The following CFAP44 variants were observed in gnomAD, a reference collection of about 807,000 sequenced individuals.
The protein encoded by CFAP44 is cilia and flagella associated protein 44, also known as cilia- and flagella-associated protein 44.
In CFAP44, 134 loss-of-function variants were observed where a neutral mutation model predicts 216.2. The observed-to-expected ratio is 0.62, with a 90% CI of 0.54 to 0.72. CFAP44 has a LOEUF of 0.72. CFAP44 is among the 30% of genes least tolerant of loss of function. The pLI is 0.00. For synonymous variants in CFAP44, 700 were observed against 727.6 expected (o/e 0.96, Z 0.61); for missense variants, 2,035 against 2,182.1 (o/e 0.93, Z 1.34).
At chr3:113,404,665 G>A (rs945903557) in intron 8 of CFAP44, among the ~76,000 whole-genome samples, 1 of 152,096 alleles carries the variant, frequency 6.6e-6, no homozygotes, top group Non-Finnish European at 1.5e-5. Context: ...CATTTATCAG[G>A]GATACCATGT....
intron 22 of CFAP44, among the ~76,000 whole-genome samples, chr3:113,349,167 C>G (rs563411461): frequency 2.0e-5 from 3 of 152,286 alleles, no homozygotes; most frequent in Admixed American, 2.0e-4. Flanking sequence ...TCCACCATAA[C>G]TCAGGGAAAG....
intron 4 of CFAP44, among the ~76,000 whole-genome samples, chr3:113,423,229 C>T (rs1050250292): frequency 6.6e-6 from 1 of 151,236 alleles, no homozygotes; most frequent in African/African-American, 2.4e-5. Flanking sequence ...ATTCTCCCAC[C>T]TCAGCCCCCC....
At chr3:113,375,056 A>G (rs924500872) in intron 17 of CFAP44, among the ~76,000 whole-genome samples, 2 of 152,228 alleles carry the variant, frequency 1.3e-5, no homozygotes, top group East Asian at 1.9e-4. Context: ...ACTTGGGGAA[A>G]TTATCCCAAG....
intron 17 of CFAP44, 88 bp from the exon 18 acceptor site, chr3:113,373,644 A>G (rs1933244716): frequency 9.3e-6 from 11 of 1,183,860 alleles, no homozygotes; most frequent in Non-Finnish European, 1.1e-5. Flanking sequence ...TCAAATTTGA[A>G]AACATAAAAT....
intron 6 of CFAP44, among the ~76,000 whole-genome samples, chr3:113,413,709 A>C (rs1213049712): frequency 2.6e-5 from 4 of 151,936 alleles, no homozygotes; most frequent in Admixed American, 2.6e-4. Flanking sequence ...GTTCTGCTCC[A>C]TTGGTCTATA....
rs955652800 is a variant in CFAP44 at position 113,366,342 on chromosome 3, A to G, written c.2445-33T>C. 3 of 1,576,230 alleles carry G rather than the reference A, an allele frequency of 1.9e-6. No homozygotes were observed. The African/African-American group carries it at 4.1e-5, about 21-fold the overall frequency. On this transcript the variant is annotated intron_variant, in intron 18 of 34. Coordinates refer to ENST00000393845, the MANE Select transcript of CFAP44 (RefSeq NM_001164496.2). ...ACAAAAAATGTAAATTGTTCTTCCC[A>G]TTAATCTGAAAATAATGCTTAATTT... is the stretch of plus-strand genomic sequence containing the variant.
At chr3:113,388,554 T>C (rs774221236) in intron 15 of CFAP44, among the ~76,000 whole-genome samples, 1 of 152,122 alleles carries the variant, frequency 6.6e-6, no homozygotes, top group Admixed American at 6.5e-5. Context: ...AACAATAGCA[T>C]TGAAAGTAAA....
rs1181339461 is a variant in CFAP44 at position 113,343,002 on chromosome 3, A to AAAT, written c.3263-1085_3263-1084insATT. On this transcript the variant is annotated intron_variant, in intron 23 of 34. Coordinates refer to ENST00000393845, the MANE Select transcript of CFAP44 (RefSeq NM_001164496.2). ...CTGTATCAAAAATAAATAAATAAAT[A>AAAT]AAAAATTAAAAAAAAATGGCTGTAT... Among the ~76,000 whole-genome samples, 1,260 of 148,468 alleles carry AAAT rather than the reference A, an allele frequency of 8.5e-3. 18 individuals carry two copies. The highest frequency in any genetic ancestry group is 0.021 in the African/African-American group (850 of 39,654).
At chr3:113,428,386 G>A (rs1365652761) in intron 2 of CFAP44, among the ~76,000 whole-genome samples, 1 of 152,214 alleles carries the variant, frequency 6.6e-6, no homozygotes, top group African/African-American at 2.4e-5. Flanking sequence ...TCTGAGCCTG[G>A]AGAAGGGTTG....
chr3:113,290,629 A>T lies in CFAP44; in HGVS notation c.*928T>A, dbSNP rs968644317. 4 of 152,142 alleles carry T rather than the reference A, an allele frequency of 2.6e-5. No individual in the cohort carries two copies. The highest frequency in any genetic ancestry group is 2.0e-4 in the Admixed American group (3 of 15,276). The allele number at this position is 152,142 out of a possible 1,614,324, so 9.4% of individuals were successfully genotyped here. ...TAGCCATGAACTTCAATGAGCACTT[A>T]CCCCCAAACCAAAAGGATACTCTTC... On this transcript the variant is annotated 3_prime_UTR_variant, in exon 35 of 35. Transcript: ENST00000393845.
chr3:113,355,747 T>C (rs1221083303), intron 22 of CFAP44, among the ~76,000 whole-genome samples: 1 of 151,750 alleles, frequency 6.6e-6, no homozygotes, highest in African/African-American at 2.4e-5. Flanking sequence ...GTTGTGCACC[T>C]GTACCCTAGA....
intron 21 of CFAP44, among the ~76,000 whole-genome samples, chr3:113,361,854 CA>C (rs1268379361): frequency 7.2e-6 from 1 of 138,796 alleles, no homozygotes; most frequent in African/African-American, 2.7e-5. Flanking sequence ...ATTCTGACCA[CA>C]ATTTTTTTTT....
At chr3:113,415,798 A>G (rs1442854647) in intron 6 of CFAP44, among the ~76,000 whole-genome samples, 1 of 152,200 alleles carries the variant, frequency 6.6e-6, no homozygotes, top group African/African-American at 2.4e-5. Flanking sequence ...CGATTTTAGT[A>G]TAAGTATCAT....
intron 22 of CFAP44, among the ~76,000 whole-genome samples, chr3:113,353,437 C>A (rs188229069): frequency 4.9e-5 from 7 of 143,016 alleles, no homozygotes; most frequent in Non-Finnish European, 1.1e-4. Context: ...AGTTAGGATT[C>A]ATATATATGT....
intron 6 of CFAP44, among the ~76,000 whole-genome samples, chr3:113,413,873 A>G (rs1267041005): frequency 3.3e-5 from 5 of 152,150 alleles, no homozygotes; most frequent in Non-Finnish European, 2.9e-5. Flanking sequence ...GAAACTTAAA[A>G]TCACTTTTTC....
intron 17 of CFAP44, among the ~76,000 whole-genome samples, chr3:113,374,886 T>C (rs1041126183): frequency 9.9e-5 from 15 of 152,232 alleles, no homozygotes; most frequent in Admixed American, 3.9e-4. Flanking sequence ...TCCACCCGCC[T>C]TGACCTCCTA....
chr3:113,424,997 C>T (rs1219061645), intron 4 of CFAP44, among the ~76,000 whole-genome samples: 2 of 152,002 alleles, frequency 1.3e-5, no homozygotes, highest in African/African-American at 4.8e-5. Flanking sequence ...GCATTGTGTA[C>T]TTTAGGAAAA....
At position 113,330,687 on chromosome 3, in the gene CFAP44, A is replaced by C; in HGVS notation, c.3616-19T>G. 5.9e-6 allele frequency: 9 copies of C among 1,520,578 alleles called. No homozygotes were observed. Among genetic ancestry groups the C allele is most frequent in the Non-Finnish European group, 7.9e-6 (9 of 1,140,450 alleles). The allele number at this position is 1,520,578 out of a possible 1,614,324, so 94.2% of individuals were successfully genotyped here. A position where few individuals can be genotyped will look rare whatever the true frequency, so the allele number is the denominator to read the frequency against. On this transcript the variant is annotated intron_variant, in intron 25 of 34. Coordinates refer to ENST00000393845, the MANE Select transcript of CFAP44 (RefSeq NM_001164496.2). ...CATGGACCTGAAAAAAAGAAGAGGA[A>C]GGAAACAACAGTACAACCCTCTGAC...
At position 113,368,615 on chromosome 3, in the gene CFAP44, G is replaced by A. The variant is rs192087438; in HGVS notation, c.2445-2306C>T. On this transcript the variant is annotated intron_variant, in intron 18 of 34. Transcript: ENST00000393845. ...GCACTAAACATGGAAAGGAACAACC[G>A]GTACCAGCCACTGCAAAAACATTCC... Among the ~76,000 whole-genome samples, 461 of 152,190 alleles carry A rather than the reference G, an allele frequency of 3.0e-3. 4 individuals are homozygous for A. The highest frequency in any genetic ancestry group is 3.9e-3 in the African/African-American group (162 of 41,538).
Sources: gnomAD v4.1 joint callset for allele counts (sites outside exome capture counted in the v4.1 genomes callset) on GRCh38, gnomAD v4.1.1 for gene constraint, MANE v1.5 for transcripts, NCBI Gene and HGNC (gene_info 2026-07-23, HGNC 2026-07-21) for gene names.